The following TBC1D19 variants were observed in gnomAD, a reference collection of about 807,000 sequenced individuals.
The protein encoded by TBC1D19 is TBC1 domain family member 19.
A neutral mutation model predicts 89.0 loss-of-function variants in TBC1D19; 60 were observed. The observed-to-expected ratio is 0.67, with a 90% CI of 0.55 to 0.84. The LOEUF (loss-of-function observed/expected upper bound fraction) is 0.84. Ranked by LOEUF, TBC1D19 falls within the 40% of genes least tolerant of loss-of-function variation. TBC1D19 has a pLI of 0.00. For synonymous variants in TBC1D19, 189 were observed against 199.7 expected, an observed-to-expected ratio of 0.95 and a Z score of 0.45; for missense variants, 500 against 610.8, an observed-to-expected ratio of 0.82 and a Z score of 1.91.
chr4:26,757,154 C>A (rs930579340), downstream of TBC1D19, among the ~76,000 whole-genome samples: 1 of 152,118 alleles, frequency 6.6e-6, no homozygotes, highest in Non-Finnish European at 1.5e-5. Flanking sequence ...GCTGGGACTA[C>A]AGGCATGCGC....
intron 2 of TBC1D19, 119 bp downstream of exon 2, chr4:26,613,360 T>G (rs749443302): frequency 4.5e-4 from 291 of 644,146 alleles, no homozygotes; most frequent in Non-Finnish European, 5.3e-4. Flanking sequence ...TGTTTTGTTT[T>G]GTTTTAGGCT....
chr4:26,699,724 G>A (rs1715147177), intron 13 of TBC1D19, among the ~76,000 whole-genome samples: 4 of 152,114 alleles, frequency 2.6e-5, no homozygotes. Context: ...AGACATGAAT[G>A]AAGCTGGAAA....
chr4:26,616,764 G>T, intron 3 of TBC1D19, among the ~76,000 whole-genome samples: 1 of 152,020 alleles, frequency 6.6e-6, no homozygotes, highest in Admixed American at 6.6e-5. Flanking sequence ...TTATTTACAT[G>T]AAATTTTAAA....
At chr4:26,706,726 C>T (rs1189985039) in intron 13 of TBC1D19, among the ~76,000 whole-genome samples, 1 of 152,006 alleles carries the variant, frequency 6.6e-6, no homozygotes, top group Non-Finnish European at 1.5e-5. Flanking sequence ...TTTGATATGT[C>T]ATGGTTTTGC....
At chr4:26,815,175 A>G in the TBC1D19 span, among the ~76,000 whole-genome samples, 5 of 152,260 alleles carry the variant, frequency 3.3e-5, no homozygotes, top group Non-Finnish European at 7.3e-5. Flanking sequence ...GGCATTTGCC[A>G]ATAAGAAATT....
intron 1 of TBC1D19, among the ~76,000 whole-genome samples, chr4:26,593,305 G>T (rs1345337306): frequency 6.6e-6 from 1 of 152,200 alleles, no homozygotes. Context: ...GCTGAAACTG[G>T]ATCCCTTCCT....
At chr4:26,742,452 G>A (rs1718424590) in intron 17 of TBC1D19, 56 bp from the exon 18 acceptor site, 22 of 1,389,284 alleles carry the variant, frequency 1.6e-5, no homozygotes, top group Non-Finnish European at 2.2e-5. Flanking sequence ...TGTTGGCATA[G>A]TTAATTTTTA....
intron 13 of TBC1D19, among the ~76,000 whole-genome samples, chr4:26,700,551 A>AT (rs1715236247): frequency 6.6e-6 from 1 of 152,170 alleles, no homozygotes; most frequent in African/African-American, 2.4e-5. Context: ...ACAAAAAAAA[A>AT]GTTTGTATGA....
At chr4:26,777,564 G>C in the TBC1D19 span, among the ~76,000 whole-genome samples, 25 of 152,088 alleles carry the variant, frequency 1.6e-4, no homozygotes, top group Non-Finnish European at 2.5e-4. Context: ...TCAGCCTCCA[G>C]AGTAGCTGGG....
intron 12 of TBC1D19, among the ~76,000 whole-genome samples, chr4:26,686,693 G>A (rs1190837294): frequency 6.6e-6 from 1 of 152,180 alleles, no homozygotes; most frequent in Non-Finnish European, 1.5e-5. Context: ...AGAGGCAATA[G>A]TATCCCCCTG....
intron 7 of TBC1D19, among the ~76,000 whole-genome samples, chr4:26,654,221 T>C (rs1744620723): frequency 6.6e-6 from 1 of 152,234 alleles, no homozygotes; most frequent in African/African-American, 2.4e-5. Flanking sequence ...TTCTGGCTTG[T>C]AGAGTTGCTG....
At chr4:26,632,912 A>G (rs1200620366) in intron 4 of TBC1D19, among the ~76,000 whole-genome samples, 1 of 152,112 alleles carries the variant, frequency 6.6e-6, no homozygotes, top group African/African-American at 2.4e-5. Context: ...GGAAGCAGTC[A>G]TCTCCATCAA....
chr4:26,693,438 AATCATAGC>A (rs1468234021), intron 13 of TBC1D19, among the ~76,000 whole-genome samples: 2 of 152,146 alleles, frequency 1.3e-5, no homozygotes, highest in Non-Finnish European at 2.9e-5. Context: ...TCACACCTGT[AATCATAGC>A]ATTTTGGGAA....
At chr4:26,735,538 T>C (rs777882393) in intron 16 of TBC1D19, 51 bp downstream of exon 16, 3 of 1,430,058 alleles carry the variant, frequency 2.1e-6, no homozygotes, top group African/African-American at 2.9e-5. Flanking sequence ...TACAATGTTA[T>C]CTGTCAATTT....
chr4:26,594,562 C>G (rs766093674), intron 1 of TBC1D19, among the ~76,000 whole-genome samples: 56 of 152,162 alleles, frequency 3.7e-4, no homozygotes, highest in Non-Finnish European at 7.5e-4. Flanking sequence ...GACAGATAAA[C>G]TCAAGCCGTA....
chr4:26,630,473 A>G (rs1001747709), intron 4 of TBC1D19, among the ~76,000 whole-genome samples: 3 of 152,026 alleles, frequency 2.0e-5, no homozygotes, highest in African/African-American at 7.2e-5. Flanking sequence ...TGAAATTATT[A>G]TATAATAGCA....
intron 13 of TBC1D19, among the ~76,000 whole-genome samples, chr4:26,691,246 T>C (rs1033153630): frequency 1.3e-5 from 2 of 152,242 alleles, no homozygotes; most frequent in African/African-American, 4.8e-5. Flanking sequence ...AAGTCATTTC[T>C]TGAGATGGAC....
intron 13 of TBC1D19, among the ~76,000 whole-genome samples, chr4:26,697,723 A>G (rs1213351348): frequency 6.6e-6 from 1 of 152,188 alleles, no homozygotes; most frequent in Non-Finnish European, 1.5e-5. Flanking sequence ...AAATCAATAA[A>G]CCAAATCCAG....
upstream of TBC1D19, among the ~76,000 whole-genome samples, chr4:26,581,153 T>C (rs745982461): frequency 3.2e-4 from 48 of 152,300 alleles, 1 homozygote; most frequent in South Asian, 8.3e-4. Context: ...ATGTCAGAAA[T>C]AGAGGATTTT....
Sources: gnomAD v4.1 joint callset for allele counts (sites outside exome capture counted in the v4.1 genomes callset) on GRCh38, gnomAD v4.1.1 for gene constraint, MANE v1.5 for transcripts, NCBI Gene and HGNC (gene_info 2026-07-23, HGNC 2026-07-21) for gene names.